PTPRD: variants seen among roughly 807,000 people sequenced by gnomAD.
The protein encoded by PTPRD is receptor-type tyrosine-protein phosphatase delta.
In PTPRD, 34 loss-of-function variants were observed where a neutral mutation model predicts 214.5. The ratio of observed to expected loss-of-function variants is 0.16; its 90% CI spans 0.12 to 0.21. PTPRD has a LOEUF of 0.21. Among genes scored for constraint, PTPRD ranks in the 10% least tolerant of loss-of-function variants. The probability of loss-of-function intolerance (pLI) is 1.00; values close to 1 mark genes in which losing one functional copy is unlikely to be tolerated. For missense variants in PTPRD, 2,545 were observed against 2,398.7 expected (o/e 1.06, Z -1.27); for synonymous variants, 1,128 against 845.7 (o/e 1.33, Z -5.79).
At position 9,318,217 on chromosome 9, in the gene PTPRD, A is replaced by C. The variant is rs535862592; in HGVS notation, c.-203+79232T>G. ...AACAAACAAACAAACAAAAACAAAC[A>C]AAAAACCAAAAAAAAAAAAAACACC... On this transcript the variant is annotated intron_variant, in intron 9 of 45. Coordinates refer to ENST00000381196, the MANE Select transcript of PTPRD (RefSeq NM_002839.4). Among the ~76,000 whole-genome samples the C allele has an allele frequency of 1.9e-4, 27 of 143,292 alleles. No individual in the cohort carries two copies. The South Asian group carries it at 4.5e-3, about 24-fold the overall frequency. 94.0% of individuals were successfully genotyped at this position (143,292 alleles called of 152,430 possible).
chr9:8,534,278 GC>G (rs1243412432), intron 14 of PTPRD, among the ~76,000 whole-genome samples: 1 of 151,760 alleles, frequency 6.6e-6, no homozygotes, highest in Non-Finnish European at 1.5e-5. Flanking sequence ...CAATGACACT[GC>G]AAAGAACACA....
At chr9:9,156,021 C>G (rs2099880888) in intron 10 of PTPRD, among the ~76,000 whole-genome samples, 1 of 152,110 alleles carries the variant, frequency 6.6e-6, no homozygotes, top group Non-Finnish European at 1.5e-5. Context: ...AGCTCCCCTA[C>G]AAATCAATGA....
Position 8,525,236 on chromosome 9 carries a change from T to C in PTPRD, c.569-201A>G, listed in dbSNP as rs549326392. Reference sequence around the variant, plus strand: ...GAGATTATTTTTTTTTTTTACATCATCAATGCTAGCATTAGAAATCAATAT... The same window carrying C: ...GAGATTATTTTTTTTTTTTACATCACCAATGCTAGCATTAGAAATCAATAT... On this transcript the variant is annotated intron_variant, in intron 17 of 45. Coordinates refer to ENST00000381196, the MANE Select transcript of PTPRD (RefSeq NM_002839.4). The C allele has an allele frequency of 1.4e-5, 10 of 705,874 alleles. No homozygotes were observed. In the African/African-American group the frequency reaches 1.4e-4, roughly 10 times the overall value. The allele number at this position is 705,874 out of a possible 1,614,324, so 43.7% of individuals were successfully genotyped here. A position where few individuals can be genotyped will look rare whatever the true frequency, so the allele number is the denominator to read the frequency against.
At chr9:9,591,105 TAGG>T (rs1162305553) in intron 7 of PTPRD, among the ~76,000 whole-genome samples, 1 of 151,984 alleles carries the variant, frequency 6.6e-6, no homozygotes, top group Non-Finnish European at 1.5e-5. Context: ...GACCTTAAAA[TAGG>T]AGGATTGTCT....
chr9:10,151,742 TTTG>T (rs2099062667), intron 3 of PTPRD, among the ~76,000 whole-genome samples: 1 of 152,250 alleles, frequency 6.6e-6, no homozygotes, highest in South Asian at 2.1e-4. Flanking sequence ...TCTGCAGCTA[TTTG>T]TTGTTAAGAC....
chr9:8,449,982 G>T (rs572172324), intron 33 of PTPRD, 145 bp from the exon 34 acceptor site: 1 of 751,714 alleles, frequency 1.3e-6, no homozygotes, highest in Non-Finnish European at 2.1e-6. Context: ...GACCCAGTTC[G>T]GGTTGCTTTT....
chr9:9,138,163 C>T (rs190947634), intron 10 of PTPRD, among the ~76,000 whole-genome samples: 97 of 151,602 alleles, frequency 6.4e-4, no homozygotes, highest in Middle Eastern at 3.4e-3. Context: ...CTTCTGGAAA[C>T]ACTGTACCTA....
intron 12 of PTPRD, among the ~76,000 whole-genome samples, chr9:8,653,338 A>G (rs1422111853): frequency 2.6e-5 from 4 of 152,222 alleles, no homozygotes; most frequent in Admixed American, 6.5e-5. Context: ...TAGAAATTGC[A>G]AAACAACACA....
At chr9:10,566,494 T>C (rs1368342716) in intron 2 of PTPRD, among the ~76,000 whole-genome samples, 1 of 152,056 alleles carries the variant, frequency 6.6e-6, no homozygotes, top group Admixed American at 6.6e-5. Context: ...GATTTTCATA[T>C]GATAACTGGT....
chr9:10,415,500 G>C (rs958616356), intron 2 of PTPRD, among the ~76,000 whole-genome samples: 2 of 151,864 alleles, frequency 1.3e-5, no homozygotes, highest in Admixed American at 1.3e-4. Context: ...AGTCAGGTAA[G>C]AGAAAGATTT....
At chr9:9,133,091 T>G (rs1054970311) in intron 10 of PTPRD, among the ~76,000 whole-genome samples, 3 of 152,238 alleles carry the variant, frequency 2.0e-5, no homozygotes, top group African/African-American at 4.8e-5. Flanking sequence ...TCAGGGTTAT[T>G]TTTACAGATG....
At chr9:10,333,534 C>T (rs1435195377) in intron 3 of PTPRD, among the ~76,000 whole-genome samples, 2 of 151,750 alleles carry the variant, frequency 1.3e-5, no homozygotes, top group Non-Finnish European at 2.9e-5. Context: ...GTGGAATCTG[C>T]TGTTTTCTAA....
At chr9:9,733,080 A>G (rs1481265471) in intron 7 of PTPRD, among the ~76,000 whole-genome samples, 1 of 152,224 alleles carries the variant, frequency 6.6e-6, no homozygotes, top group South Asian at 2.1e-4. Context: ...GCCTAGTAAA[A>G]GCCTGCACAA....
intron 9 of PTPRD, among the ~76,000 whole-genome samples, chr9:9,227,479 T>TA (rs1215683759): frequency 6.6e-6 from 1 of 152,116 alleles, no homozygotes; most frequent in Admixed American, 6.6e-5. Flanking sequence ...AACTGTGGCT[T>TA]AAAAACATTA....
chr9:8,981,984 T>C (rs1337078639), intron 11 of PTPRD, among the ~76,000 whole-genome samples: 1 of 152,028 alleles, frequency 6.6e-6, no homozygotes, highest in East Asian at 1.9e-4. Flanking sequence ...TAGATCACTT[T>C]TTAAAAGACT....
intron 3 of PTPRD, among the ~76,000 whole-genome samples, chr9:10,202,832 C>A (rs1439210213): frequency 1.3e-5 from 2 of 151,486 alleles, no homozygotes; most frequent in African/African-American, 4.8e-5. Context: ...CTGCTCTCTG[C>A]CAATGTGAGG....
chr9:9,513,326 T>C (rs1269035580), intron 8 of PTPRD, among the ~76,000 whole-genome samples: 1 of 152,022 alleles, frequency 6.6e-6, no homozygotes, highest in African/African-American at 2.4e-5. Flanking sequence ...TCTTTGCCCT[T>C]CTTTTTATTC....
intron 11 of PTPRD, among the ~76,000 whole-genome samples, chr9:8,768,117 G>C (rs949765172): frequency 6.6e-6 from 1 of 152,144 alleles, no homozygotes; most frequent in African/African-American, 2.4e-5. Context: ...TATTAAGTGT[G>C]GGCGTGATAG....
chr9:8,334,282 G>A (rs187154551), intron 43 of PTPRD, among the ~76,000 whole-genome samples: 9 of 151,492 alleles, frequency 5.9e-5, no homozygotes, highest in Non-Finnish European at 1.2e-4. Flanking sequence ...ATAATTGGAA[G>A]TAAAACACTC....
Sources: allele counts gnomAD v4.1 joint callset (sites outside exome capture counted in the v4.1 genomes callset), GRCh38; gene constraint gnomAD v4.1.1; transcripts MANE v1.5; gene names NCBI Gene and HGNC (gene_info 2026-07-23, HGNC 2026-07-21).